Variants in PCBP3 observed in about 807,000 individuals in gnomAD.
The protein encoded by PCBP3 is poly(rC)-binding protein 3.
Under a neutral mutation model 52.7 loss-of-function variants are expected in PCBP3, and 25 were observed. That is an observed-to-expected ratio of 0.47 (90% CI 0.35 to 0.66). The LOEUF is 0.66. Among genes scored for constraint, PCBP3 ranks in the 30% least tolerant of loss-of-function variants. PCBP3 has a pLI of 0.01. For missense variants in PCBP3, 391 were observed against 490.3 expected (o/e 0.80, Z 1.91); for synonymous variants, 162 against 183.0 (o/e 0.89, Z 0.93).
intron 5 of PCBP3, among the ~76,000 whole-genome samples, chr21:45,891,216 G>A (rs2095655009): frequency 6.6e-6 from 1 of 152,246 alleles, no homozygotes; most frequent in African/African-American, 2.4e-5. Flanking sequence ...AGTTCCACGT[G>A]CTGCTTCCGC....
chr21:45,674,077 G>A (rs907773831), intron 2 of PCBP3, among the ~76,000 whole-genome samples: 6 of 152,054 alleles, frequency 3.9e-5, no homozygotes, highest in Non-Finnish European at 7.4e-5. Context: ...ATTTTGTAAT[G>A]GAACCATGTT....
intron 1 of PCBP3, among the ~76,000 whole-genome samples, chr21:45,666,716 T>C (rs1313987947): frequency 4.6e-5 from 7 of 152,052 alleles, no homozygotes; most frequent in Non-Finnish European, 8.8e-5. Context: ...AAATCCGCTA[T>C]TGTTCTTATT....
intron 2 of PCBP3, among the ~76,000 whole-genome samples, chr21:45,670,484 A>G (rs2081101555): frequency 6.6e-6 from 1 of 152,162 alleles, no homozygotes; most frequent in Non-Finnish European, 1.5e-5. Flanking sequence ...TTTGAGGAAT[A>G]ATTTGAAATA....
chr21:45,846,587 G>A (rs1311723853), intron 4 of PCBP3, among the ~76,000 whole-genome samples: 1 of 152,192 alleles, frequency 6.6e-6, no homozygotes, highest in Non-Finnish European at 1.5e-5. Context: ...TGCCATGGCT[G>A]ACAGTCATGT....
chr21:45,713,322 C>T (rs2083981770), intron 2 of PCBP3, among the ~76,000 whole-genome samples: 1 of 152,150 alleles, frequency 6.6e-6, no homozygotes, highest in South Asian at 2.1e-4. Context: ...CTTGACCTAC[C>T]ATTTCTCCCT....
chr21:45,917,412 T>A lies in PCBP3; in HGVS notation c.676-176T>A. 24 of 378,480 alleles carry A rather than the reference T, an allele frequency of 6.3e-5. No individual in the cohort carries two copies. The highest frequency in any genetic ancestry group is 1.0e-4 in the Non-Finnish European group (20 of 197,008). 23.4% of individuals were successfully genotyped at this position (378,480 alleles called of 1,614,324 possible). ...CCAGAGGAAGTGGGTGCGGCTCCCC[T>A]GGGGCTCCTGGTGCCCTGGGAGGGT... On this transcript the variant is annotated intron_variant, in intron 12 of 17. Coordinates refer to ENST00000681687, the MANE Select transcript of PCBP3 (RefSeq NM_001384156.1). The surrounding 1 kb of genome is among the most constrained non-coding windows in gnomAD (Gnocchi z 5.3).
chr21:45,707,089 G>A (rs2083496500), intron 2 of PCBP3, among the ~76,000 whole-genome samples: 1 of 152,162 alleles, frequency 6.6e-6, no homozygotes, highest in Non-Finnish European at 1.5e-5. Context: ...TAGCAGGAGC[G>A]GGAAAGGAGT....
At chr21:45,804,206 C>T (rs1175074383) in intron 4 of PCBP3, among the ~76,000 whole-genome samples, 2 of 152,216 alleles carry the variant, frequency 1.3e-5, no homozygotes, top group African/African-American at 4.8e-5. Flanking sequence ...CCCTCCTGTG[C>T]ACCGGGCTTT....
chr21:45,733,687 A>G (rs901181200), intron 2 of PCBP3, among the ~76,000 whole-genome samples: 4 of 151,882 alleles, frequency 2.6e-5, no homozygotes, highest in Non-Finnish European at 4.4e-5. Flanking sequence ...TGAAGCCTCT[A>G]CTTCCTGGGT....
chr21:45,853,663 C>T lies in PCBP3; in HGVS notation c.10+3568C>T, dbSNP rs2094141317. ...TTCTAGGAAGACCTTAGGTTTCTTC[C>T]CTGCAGGCCCTCTTCTCCTGCCTCA... On this transcript the variant is annotated intron_variant, in intron 5 of 17. Transcript: ENST00000681687. The surrounding 1 kb of genome is among the most constrained non-coding windows in gnomAD (Gnocchi z 4.6). Among the ~76,000 whole-genome samples the T allele has an allele frequency of 6.6e-6, 1 of 152,194 alleles. No individual in the cohort carries two copies.
At chr21:45,742,209 T>C (rs1221915625) in intron 3 of PCBP3, among the ~76,000 whole-genome samples, 1 of 152,214 alleles carries the variant, frequency 6.6e-6, no homozygotes, top group African/African-American at 2.4e-5. Context: ...TGTTCACACC[T>C]ACAGAATTCC....
intron 9 of PCBP3, among the ~76,000 whole-genome samples, chr21:45,903,522 C>A (rs543474029): frequency 6.6e-6 from 1 of 152,000 alleles, no homozygotes; most frequent in Admixed American, 6.5e-5. Flanking sequence ...TGGTGGTGGG[C>A]GGTGTGTCCA....
chr21:45,835,166 G>A (rs2093553637), intron 4 of PCBP3, among the ~76,000 whole-genome samples: 1 of 152,200 alleles, frequency 6.6e-6, no homozygotes, highest in Non-Finnish European at 1.5e-5. Flanking sequence ...AGCCAGATGA[G>A]GGGAGCCAAG....
intron 5 of PCBP3, among the ~76,000 whole-genome samples, chr21:45,857,083 G>T (rs1603451481): frequency 6.6e-6 from 1 of 152,208 alleles, no homozygotes; most frequent in Non-Finnish European, 1.5e-5. Context: ...ACCTTTAAAA[G>T]CTGCTGGACT....
intron 2 of PCBP3, among the ~76,000 whole-genome samples, chr21:45,678,665 A>G (rs956555601): frequency 2.0e-5 from 3 of 151,756 alleles, no homozygotes; most frequent in African/African-American, 7.3e-5. Flanking sequence ...ATGGATAAGG[A>G]GTTGCTTCTT....
Position 45,873,590 on chromosome 21 carries a change from G to A in PCBP3, c.11-22618G>A, listed in dbSNP as rs2095124902. On this transcript the variant is annotated intron_variant, in intron 5 of 17. Transcript: ENST00000681687. ...TGTCGTTTATGCTTCCCCTTGAGAC[G>A]CACAGCACCCAAGTCCCCGTGAGGG... 2.0e-5 allele frequency among the ~76,000 whole-genome samples: 3 copies of A among 152,156 alleles called. No individual in the cohort carries two copies. In the South Asian group the frequency reaches 6.2e-4, roughly 32 times the overall value.
At chr21:45,933,138 A>G (rs529007379) in intron 15 of PCBP3, among the ~76,000 whole-genome samples, 4 of 152,068 alleles carry the variant, frequency 2.6e-5, no homozygotes, top group East Asian at 3.9e-4. Context: ...CACATTGGCC[A>G]TGCTGTCTTG....
At chr21:45,912,732 A>G (rs2096422423) in intron 11 of PCBP3, among the ~76,000 whole-genome samples, 1 of 152,180 alleles carries the variant, frequency 6.6e-6, no homozygotes, top group Non-Finnish European at 1.5e-5. Context: ...GAGGGCCCAT[A>G]GCACAGGGGC....
rs1238755265 is a variant in PCBP3, at chr21:45,704,475, C to A, written c.-199-30917C>A. On this transcript the variant is annotated intron_variant, in intron 2 of 17. Coordinates refer to ENST00000681687, the MANE Select transcript of PCBP3 (RefSeq NM_001384156.1). The surrounding 1 kb of genome is among the most constrained non-coding windows in gnomAD (Gnocchi z 4.1). ...CAGACTGGGAGGCCGCAGCGTCTGC[C>A]CCCATTTTCCTGCTCTCCCCTGGCA... Among the ~76,000 whole-genome samples, 1 of 152,142 alleles carries A rather than the reference C, an allele frequency of 6.6e-6. No homozygotes were observed. The highest frequency in any genetic ancestry group is 2.4e-5 in the African/African-American group (1 of 41,426).
Sources: allele counts gnomAD v4.1 joint callset (sites outside exome capture counted in the v4.1 genomes callset), GRCh38; gene constraint gnomAD v4.1.1; non-coding constraint Gnocchi (gnomAD v3.1); transcripts MANE v1.5; gene names NCBI Gene and HGNC (gene_info 2026-07-23, HGNC 2026-07-21).